The following RABGAP1L variants were observed in gnomAD, a reference collection of about 807,000 sequenced individuals.
RABGAP1L encodes the protein RAB GTPase activating protein 1 like.
In RABGAP1L, 63 loss-of-function variants were observed where a neutral mutation model predicts 137.7. That is an observed-to-expected ratio of 0.46 (90% CI 0.37 to 0.56). RABGAP1L has a LOEUF of 0.56. RABGAP1L is among the 20% of genes least tolerant of loss of function. RABGAP1L has a pLI of 0.00. For synonymous variants in RABGAP1L, 431 were observed against 433.7 expected (o/e 0.99, Z 0.08); for missense variants, 1,095 against 1,244.0 (o/e 0.88, Z 1.80).
intron 17 of RABGAP1L, among the ~76,000 whole-genome samples, chr1:174,744,090 T>TAAAAAAAAAAAAAAAAAAAAAAAAAAA (rs10694829): frequency 2.2e-5 from 1 of 45,128 alleles, no homozygotes; most frequent in Non-Finnish European, 3.9e-5. Context: ...GTGAAATACG[T>TAAAAAAAAAAAAAAAAAAAAAAAAAAA]AAAAAAAAAA....
chr1:174,764,413 A>G (rs559406309), intron 18 of RABGAP1L, among the ~76,000 whole-genome samples: 5 of 152,178 alleles, frequency 3.3e-5, no homozygotes, highest in Non-Finnish European at 7.4e-5. Context: ...GCACCATTAC[A>G]TCCCCCGTGG....
intron 13 of RABGAP1L, among the ~76,000 whole-genome samples, chr1:174,583,899 G>T (rs1009212112): frequency 8.5e-5 from 13 of 152,340 alleles, no homozygotes; most frequent in Admixed American, 7.8e-4. Context: ...CATCACAATT[G>T]TGGTGGGTTA....
Position 174,869,757 on chromosome 1 carries a change from C to A in RABGAP1L, c.2340+57797C>A, listed in dbSNP as rs116085869. On this transcript the variant is annotated intron_variant, in intron 19 of 25. Transcript: ENST00000681986. ...ATCTTTGACTGGTGATTAGATCATG[C>A]GGGTTAAGTTCTCTTGAATGAGATT... 9.5e-3 allele frequency among the ~76,000 whole-genome samples: 1,439 copies of A among 152,120 alleles called. 23 individuals are homozygous for A. Among genetic ancestry groups the A allele is most frequent in the African/African-American group, 0.033 (1,380 of 41,484 alleles).
At chr1:174,197,350 C>T (rs1050655854) in intron 1 of RABGAP1L, among the ~76,000 whole-genome samples, 2 of 152,092 alleles carry the variant, frequency 1.3e-5, no homozygotes, top group Non-Finnish European at 1.5e-5. Flanking sequence ...TCCCAAAGGG[C>T]TTGAACTCTT....
intron 15 of RABGAP1L, among the ~76,000 whole-genome samples, chr1:174,697,320 CTT>C (rs141285517): frequency 6.7e-6 from 1 of 149,938 alleles, no homozygotes; most frequent in Non-Finnish European, 1.5e-5. Context: ...GTTCAGTTAT[CTT>C]TTTTTTTTCT....
chr1:174,976,744 C>T lies in RABGAP1L; in HGVS notation c.2649+562C>T, dbSNP rs12568120. 3.3e-4 allele frequency among the ~76,000 whole-genome samples: 51 copies of T among 152,294 alleles called. No individual in the cohort carries two copies. The East Asian group carries it at 4.8e-3, about 14-fold the overall frequency. On this transcript the variant is annotated intron_variant, in intron 22 of 25. Coordinates refer to ENST00000681986, the MANE Select transcript of RABGAP1L (RefSeq NM_001366446.1). ...TTGGGAACCAGCCTTGAAGTTAGCA[C>T]CCTACACTCTTCATGGGAGCTGTAA...
intron 18 of RABGAP1L, among the ~76,000 whole-genome samples, chr1:174,802,871 G>A (rs1294666931): frequency 6.6e-6 from 1 of 152,142 alleles, no homozygotes; most frequent in Admixed American, 6.6e-5. Flanking sequence ...TGGGATCAAT[G>A]GCTAATCTGC....
At chr1:174,413,863 C>G (rs1650229902) in intron 13 of RABGAP1L, among the ~76,000 whole-genome samples, 2 of 152,104 alleles carry the variant, frequency 1.3e-5, no homozygotes, top group South Asian at 4.1e-4. Context: ...CGGAAGCTCT[C>G]TGTTGTGTCA....
intron 11 of RABGAP1L, among the ~76,000 whole-genome samples, chr1:174,309,750 T>C (rs1678642583): frequency 6.6e-6 from 1 of 152,140 alleles, no homozygotes; most frequent in Non-Finnish European, 1.5e-5. Flanking sequence ...TTGTGTTTGG[T>C]ATTCTAGTGT....
chr1:174,477,187 T>G (rs1302293058), intron 13 of RABGAP1L, among the ~76,000 whole-genome samples: 1 of 152,214 alleles, frequency 6.6e-6, no homozygotes, highest in South Asian at 2.1e-4. Flanking sequence ...TAATACTGGA[T>G]AGGCTGCTGT....
chr1:174,621,597 T>C (rs1294438978), intron 13 of RABGAP1L, among the ~76,000 whole-genome samples: 3 of 152,126 alleles, frequency 2.0e-5, no homozygotes, highest in Admixed American at 6.6e-5. Flanking sequence ...AAACAAGCAA[T>C]GGGGAAAGGA....
chr1:174,569,432 C>G (rs1055285293), intron 13 of RABGAP1L, among the ~76,000 whole-genome samples: 2 of 152,152 alleles, frequency 1.3e-5, no homozygotes, highest in South Asian at 4.1e-4. Flanking sequence ...AGGGAGGGAG[C>G]TGGATCCCTA....
intron 19 of RABGAP1L, among the ~76,000 whole-genome samples, chr1:174,840,746 G>T (rs1033578743): frequency 1.3e-5 from 2 of 151,354 alleles, no homozygotes; most frequent in African/African-American, 4.9e-5. Context: ...AACCTGGGAG[G>T]TGGAGGTTGC....
At chr1:174,233,779 C>T (rs1050523871) in intron 4 of RABGAP1L, among the ~76,000 whole-genome samples, 8 of 134,306 alleles carry the variant, frequency 6.0e-5, no homozygotes, top group Admixed American at 2.1e-4. Context: ...GGGTATATAC[C>T]GAGTAATGGG....
At chr1:174,259,488 T>C (rs1192865028) in intron 7 of RABGAP1L, among the ~76,000 whole-genome samples, 3 of 152,360 alleles carry the variant, frequency 2.0e-5, no homozygotes, top group East Asian at 1.9e-4. Flanking sequence ...TCTTACTCTC[T>C]ACTGCTTCTT....
At chr1:174,481,104 T>C (rs1225712516) in intron 13 of RABGAP1L, among the ~76,000 whole-genome samples, 1 of 152,220 alleles carries the variant, frequency 6.6e-6, no homozygotes, top group Non-Finnish European at 1.5e-5. Flanking sequence ...TCAAACTTTT[T>C]TAAATTTTAC....
intron 14 of RABGAP1L, among the ~76,000 whole-genome samples, chr1:174,668,778 T>C (rs1676967445): frequency 6.6e-6 from 1 of 152,204 alleles, no homozygotes; most frequent in Admixed American, 6.5e-5. Flanking sequence ...AGTTGTTATC[T>C]TTTGTCTTTT....
At chr1:174,419,071 G>T (rs1246135361) in intron 13 of RABGAP1L, among the ~76,000 whole-genome samples, 1 of 151,936 alleles carries the variant, frequency 6.6e-6, no homozygotes, top group African/African-American at 2.4e-5. Context: ...TACAATATAA[G>T]GTACCAATTC....
intron 14 of RABGAP1L, among the ~76,000 whole-genome samples, chr1:174,644,950 C>A (rs1253145122): frequency 6.6e-6 from 1 of 151,972 alleles, no homozygotes; most frequent in Admixed American, 6.6e-5. Flanking sequence ...CGCACTATAC[C>A]CACAGTGATT....
Sources: gnomAD v4.1 joint callset for allele counts (sites outside exome capture counted in the v4.1 genomes callset) on GRCh38, gnomAD v4.1.1 for gene constraint, MANE v1.5 for transcripts, NCBI Gene and HGNC (gene_info 2026-07-23, HGNC 2026-07-21) for gene names.